ARPC1A: variants seen among roughly 807,000 people sequenced by gnomAD.
ARPC1A encodes the protein actin-related protein 2/3 complex subunit 1A.
ARPC1A carries 8 observed loss-of-function variants against 46.9 expected under a neutral mutation model. The ratio of observed to expected loss-of-function variants is 0.17; its 90% CI spans 0.10 to 0.31. ARPC1A has a LOEUF of 0.31. Ranked by LOEUF, ARPC1A falls within the 10% of genes least tolerant of loss-of-function variation. The probability of loss-of-function intolerance (pLI) is 1.00; values close to 1 mark genes in which losing one functional copy is unlikely to be tolerated. For missense variants in ARPC1A, 286 were observed against 483.6 expected (o/e 0.59, Z 3.83); for synonymous variants, 152 against 169.0 (o/e 0.90, Z 0.78).
chr7:99,347,228 C>T (rs1793469289), intron 4 of ARPC1A, among the ~76,000 whole-genome samples: 1 of 152,114 alleles, frequency 6.6e-6, no homozygotes, highest in Non-Finnish European at 1.5e-5. Flanking sequence ...CACCACCACA[C>T]CTGGCTAATT....
intron 1 of ARPC1A, among the ~76,000 whole-genome samples, chr7:99,332,158 A>G (rs1231443964): frequency 6.6e-6 from 1 of 152,196 alleles, no homozygotes; most frequent in African/African-American, 2.4e-5. Context: ...GATTGGATTT[A>G]GAGTAAATAT....
intron 8 of ARPC1A, among the ~76,000 whole-genome samples, chr7:99,362,459 G>A (rs1198090536): frequency 2.1e-5 from 3 of 146,182 alleles, no homozygotes; most frequent in African/African-American, 7.6e-5. Flanking sequence ...AGCCTCCCAA[G>A]TAGCTGGGAC....
chr7:99,340,640 G>A (rs191911231), intron 3 of ARPC1A, among the ~76,000 whole-genome samples: 2 of 152,170 alleles, frequency 1.3e-5, no homozygotes, highest in East Asian at 1.9e-4. Flanking sequence ...TCACCATGTC[G>A]CCCAGGCTGA....
At chr7:99,350,970 G>A (rs969446770) in intron 5 of ARPC1A, among the ~76,000 whole-genome samples, 2 of 151,636 alleles carry the variant, frequency 1.3e-5, no homozygotes, top group African/African-American at 4.8e-5. Flanking sequence ...TTCAGTAACT[G>A]TGGAGAATTC....
chr7:99,335,462 G>A (rs538614520), intron 2 of ARPC1A: 52 of 423,174 alleles, frequency 1.2e-4, no homozygotes, highest in African/African-American at 9.9e-4. Context: ...GGACCAGTCT[G>A]TCTTGATTAC....
intron 8 of ARPC1A, among the ~76,000 whole-genome samples, chr7:99,362,750 T>C (rs1793767616): frequency 1.3e-5 from 2 of 152,088 alleles, no homozygotes; most frequent in Non-Finnish European, 2.9e-5. Flanking sequence ...GGGTAAGTTC[T>C]AGACATCTCA....
At chr7:99,346,156 C>T (rs972155444) in intron 4 of ARPC1A, among the ~76,000 whole-genome samples, 2 of 149,728 alleles carry the variant, frequency 1.3e-5, no homozygotes, top group Admixed American at 1.3e-4. Context: ...GCAGAGGTTG[C>T]GGTGAGCCGA....
At chr7:99,339,253 A>G (rs1277424321) in intron 3 of ARPC1A, among the ~76,000 whole-genome samples, 1 of 152,220 alleles carries the variant, frequency 6.6e-6, no homozygotes. Flanking sequence ...ATACATATTC[A>G]TAAACAAGCT....
chr7:99,326,462 C>T (rs1793049364), intron 1 of ARPC1A, among the ~76,000 whole-genome samples: 1 of 152,198 alleles, frequency 6.6e-6, no homozygotes. Flanking sequence ...TAATGGGGAA[C>T]CTTCTCGATC....
intron 2 of ARPC1A, among the ~76,000 whole-genome samples, chr7:99,334,583 G>A (rs1037659323): frequency 7.2e-5 from 11 of 152,008 alleles, no homozygotes; most frequent in Admixed American, 7.2e-4. Flanking sequence ...GTAGGACTTT[G>A]GTCCATTTTG....
At chr7:99,354,471 AG>A (rs1793598420) in intron 6 of ARPC1A, among the ~76,000 whole-genome samples, 1 of 150,548 alleles carries the variant, frequency 6.6e-6, no homozygotes, top group Non-Finnish European at 1.5e-5. Flanking sequence ...TAGTGAGCCA[AG>A]ATCATGCCAC....
intron 1 of ARPC1A, among the ~76,000 whole-genome samples, chr7:99,331,636 G>T (rs983924461): frequency 6.6e-6 from 1 of 151,626 alleles, no homozygotes; most frequent in Non-Finnish European, 1.5e-5. Context: ...TGTGGATTAT[G>T]GGCCAGGCAC....
At chr7:99,341,406 G>GAGACC (rs1436918167) in intron 3 of ARPC1A, among the ~76,000 whole-genome samples, 1 of 152,024 alleles carries the variant, frequency 6.6e-6, no homozygotes, top group African/African-American at 2.4e-5. Context: ...TCGGGAGTTC[G>GAGACC]AGACCAGCGT....
intron 4 of ARPC1A, among the ~76,000 whole-genome samples, chr7:99,344,892 A>T (rs1204300574): frequency 5.9e-5 from 4 of 68,208 alleles, no homozygotes; most frequent in Admixed American, 1.6e-4. Flanking sequence ...CAGGATATCT[A>T]TGTAGGATTC....
intron 7 of ARPC1A, among the ~76,000 whole-genome samples, chr7:99,358,952 G>A (rs1360439956): frequency 2.0e-5 from 3 of 151,784 alleles, no homozygotes; most frequent in African/African-American, 7.3e-5. Flanking sequence ...CTGCCTCAGC[G>A]TCCTGAGTAG....
At chr7:99,362,202 G>A (rs1374821416) in intron 8 of ARPC1A, among the ~76,000 whole-genome samples, 1 of 151,874 alleles carries the variant, frequency 6.6e-6, no homozygotes, top group African/African-American at 2.4e-5. Context: ...TCTGAGGCAG[G>A]AGAATCGCTT....
chr7:99,329,469 T>C lies in ARPC1A; in HGVS notation c.-30+3465T>C, dbSNP rs919997812. Among the ~76,000 whole-genome samples the C allele has an allele frequency of 1.4e-4, 21 of 152,326 alleles. 1 individual carries two copies. The highest frequency in any genetic ancestry group is 4.3e-4 in the African/African-American group (18 of 41,562). On this transcript the variant is annotated intron_variant, in intron 1 of 9. Coordinates refer to ENST00000262942, the MANE Select transcript of ARPC1A (RefSeq NM_006409.4). ...ATCACCCTATGACAGAAGGTACCCT[T>C]TCTTGGTACATAATTCAAGCTATTA...
At chr7:99,339,776 C>T in intron 3 of ARPC1A, 1 of 266,448 alleles carries the variant, frequency 3.8e-6, no homozygotes, top group South Asian at 3.7e-5. Flanking sequence ...TTCCATATTA[C>T]ATGAAAGTGC....
At position 99,330,603 on chromosome 7, in the gene ARPC1A, C is replaced by A. The variant is rs559090827; in HGVS notation, c.-29-2722C>A. ...GTGCTGGGATTACAGGCTTGAGCCACCATGCCTGGCCTGGGTTCCTTTACA... is the reference window on the plus strand; with the variant it reads ...GTGCTGGGATTACAGGCTTGAGCCAACATGCCTGGCCTGGGTTCCTTTACA... On this transcript the variant is annotated intron_variant, in intron 1 of 9. Coordinates refer to ENST00000262942, the MANE Select transcript of ARPC1A (RefSeq NM_006409.4). Among the ~76,000 whole-genome samples, 4 of 152,354 alleles carry A rather than the reference C, an allele frequency of 2.6e-5. No homozygotes were observed. The South Asian group carries it at 8.3e-4, about 32-fold the overall frequency.
Sources: allele counts gnomAD v4.1 joint callset (sites outside exome capture counted in the v4.1 genomes callset), GRCh38; gene constraint gnomAD v4.1.1; transcripts MANE v1.5; gene names NCBI Gene and HGNC (gene_info 2026-07-23, HGNC 2026-07-21).